Variants in POMT1 observed in about 807,000 individuals in gnomAD.
POMT1 encodes the protein protein O-mannosyltransferase 1.
Under a neutral mutation model 101.6 loss-of-function variants are expected in POMT1, and 85 were observed. That is an observed-to-expected ratio of 0.84 (90% CI 0.70 to 1.00). The LOEUF (loss-of-function observed/expected upper bound fraction) is 1.00. Ranked by LOEUF, POMT1 falls within the 50% of genes least tolerant of loss-of-function variation. POMT1 has a pLI of 0.00. For missense variants in POMT1, 857 were observed against 930.4 expected, an observed-to-expected ratio of 0.92 and a Z score of 1.03; for synonymous variants, 371 against 383.0, an observed-to-expected ratio of 0.97 and a Z score of 0.37.
chr9:131,516,114 G>C (rs1233018527), intron 13 of POMT1, among the ~76,000 whole-genome samples: 143 of 46,592 alleles, frequency 3.1e-3, no homozygotes, highest in Middle Eastern at 0.018. Context: ...CTTCCTCACA[G>C]GGAGCACTTC....
At chr9:131,514,916 AT>A (rs1285949983) in intron 12 of POMT1, among the ~76,000 whole-genome samples, 1 of 152,188 alleles carries the variant, frequency 6.6e-6, no homozygotes, top group Non-Finnish European at 1.5e-5. Context: ...AGATCGCGCC[AT>A]TTGCACTCCA....
chr9:131,522,862 C>T lies in POMT1; in HGVS notation c.2004-70C>T, dbSNP rs10122068. ...GGGGTGACCGTGTGGACAGCAGATG[C>T]CAAGAGGGTGCCGGGCAGGGAAGCC... On this transcript the variant is annotated intron_variant, in intron 19 of 19. Transcript: ENST00000402686. This position sits in a 1 kb window ranked among gnomAD's most constrained non-coding sequence, Gnocchi z 5.5. 1,163,411 of 1,471,028 alleles carry T rather than the reference C, an allele frequency of 0.79. 464,335 individuals carry two copies. The highest frequency in any genetic ancestry group is 0.92 in the East Asian group (37,309 of 40,754). 91.1% of individuals were successfully genotyped at this position (1,471,028 alleles called of 1,614,324 possible).
intron 17 of POMT1, 105 bp downstream of exon 17, chr9:131,520,298 C>T: frequency 9.5e-7 from 1 of 1,048,580 alleles, no homozygotes; most frequent in South Asian, 1.3e-5. Flanking sequence ...CTGGGTTTCT[C>T]CCAAGCTTTT....
At chr9:131,504,379 T>C (rs1945263121) in intron 2 of POMT1, 39 bp downstream of exon 2, 3 of 1,613,950 alleles carry the variant, frequency 1.9e-6, no homozygotes, top group Non-Finnish European at 2.5e-6. Flanking sequence ...GAATCTAGAA[T>C]TGTACTTTGT....
At chr9:131,518,391 C>T (rs1330107641) in intron 13 of POMT1, 54 bp from the exon 14 acceptor site, 2 of 1,458,570 alleles carry the variant, frequency 1.4e-6, no homozygotes, top group Admixed American at 1.7e-5. Flanking sequence ...TTTATTTTTA[C>T]ATTGAAGGAA....
Position 131,522,174 on chromosome 9 carries a change from AATCCT to A in POMT1, c.1954_1958del (p.Ile652SerfsTer55). ...ACTACCTGCCCGCACTCACCTTCCA[AATCCT>A]TCTGCTCCCTGTGGTCCTGCAGCAC... is the stretch of plus-strand genomic sequence containing the variant. On this transcript the variant is annotated frameshift_variant, in exon 19 of 20. Transcript: ENST00000402686. LOFTEE classifies it high-confidence loss of function. This position sits in a 1 kb window ranked among gnomAD's most constrained non-coding sequence, Gnocchi z 5.5. 6.2e-7 allele frequency: 1 copy of A among 1,614,082 alleles called. No homozygotes were observed.
intron 13 of POMT1, among the ~76,000 whole-genome samples, chr9:131,517,838 C>T (rs758178263): frequency 6.6e-5 from 10 of 152,222 alleles, no homozygotes; most frequent in African/African-American, 9.6e-5. Flanking sequence ...GCCCGGCCTG[C>T]GGCATGGACC....
chr9:131,522,016 G>T lies in POMT1; in HGVS notation c.1826-31G>T. 11 of 1,613,288 alleles carry T rather than the reference G, an allele frequency of 6.8e-6. No individual in the cohort carries two copies. The highest frequency in any genetic ancestry group is 9.3e-6 in the Non-Finnish European group (11 of 1,180,008). On this transcript the variant is annotated intron_variant, in intron 18 of 19. Coordinates refer to ENST00000402686, the MANE Select transcript of POMT1 (RefSeq NM_001077365.2). This position sits in a 1 kb window ranked among gnomAD's most constrained non-coding sequence, Gnocchi z 5.5. ...GAAGACCCGGCCTGTGGGAGCAGCA[G>T]AGTCGGTGTAGCTCGAGCCCTTTCC...
At chr9:131,520,680 G>T (rs2131890813) in intron 17 of POMT1, among the ~76,000 whole-genome samples, 1 of 152,316 alleles carries the variant, frequency 6.6e-6, no homozygotes, top group Non-Finnish European at 1.5e-5. Flanking sequence ...CATGTGCACT[G>T]AAGGCAGAGG....
chr9:131,507,706 C>T (rs1946163048), intron 5 of POMT1, among the ~76,000 whole-genome samples, 192 bp downstream of exon 5: 1 of 152,212 alleles, frequency 6.6e-6, no homozygotes, highest in Non-Finnish European at 1.5e-5. Context: ...TGGGATCAGA[C>T]TCTTATCAGC....
chr9:131,509,662 C>T (rs1946657013), intron 6 of POMT1, 81 bp from the exon 7 acceptor site: 2 of 1,612,836 alleles, frequency 1.2e-6, no homozygotes, highest in South Asian at 2.2e-5. Context: ...AAAGATTTCT[C>T]TGAAGAATGT....
At chr9:131,506,481 A>G (rs1448746975) in intron 4 of POMT1, 28 bp downstream of exon 4, 2 of 1,586,674 alleles carry the variant, frequency 1.3e-6, no homozygotes, top group African/African-American at 1.3e-5. Flanking sequence ...TTTCCCTTTT[A>G]ATGTGCGCAG....
intron 18 of POMT1, 87 bp downstream of exon 18, chr9:131,521,559 G>A: frequency 6.8e-7 from 1 of 1,477,196 alleles, no homozygotes; most frequent in Non-Finnish European, 9.4e-7. Context: ...TGAACTCCTG[G>A]GCTTAAGCGA....
In POMT1 at chr9:131,519,929, T is replaced by G; in HGVS notation, c.1585-151T>G. 3 of 700,678 alleles carry G rather than the reference T, an allele frequency of 4.3e-6. No individual in the cohort carries two copies. The highest frequency in any genetic ancestry group is 2.6e-6 in the Non-Finnish European group (1 of 391,760). 43.4% of individuals were successfully genotyped at this position (700,678 alleles called of 1,614,324 possible). ...CCACATTCAGGGCTGGAATCCAGGT[T>G]CTCATCATGCTGCCTCCGATGCATG... is the stretch of plus-strand genomic sequence containing the variant. On this transcript the variant is annotated intron_variant, in intron 16 of 19. Transcript: ENST00000402686. This position sits in a 1 kb window ranked among gnomAD's most constrained non-coding sequence, Gnocchi z 4.3.
Position 131,522,912 on chromosome 9 carries a change from C to A in POMT1, c.2004-20C>A. 6.4e-7 allele frequency: 1 copy of A among 1,570,174 alleles called. No individual in the cohort carries two copies. The highest frequency in any genetic ancestry group is 8.6e-7 in the Non-Finnish European group (1 of 1,161,810). On this transcript the variant is annotated intron_variant, in intron 19 of 19. Transcript: ENST00000402686. This position sits in a 1 kb window ranked among gnomAD's most constrained non-coding sequence, Gnocchi z 5.5. ...CGCAGTGGTCAGCCACCCTCCCCCACGCTGCTCTGACCTCTGCAGGTCCCA... is the reference window on the plus strand; with the variant it reads ...CGCAGTGGTCAGCCACCCTCCCCCAAGCTGCTCTGACCTCTGCAGGTCCCA...
intron 14 of POMT1, 142 bp downstream of exon 14, chr9:131,518,679 G>A (rs992925331): frequency 6.3e-6 from 9 of 1,423,556 alleles, no homozygotes; most frequent in African/African-American, 1.4e-5. Flanking sequence ...GAGGGAGGGC[G>A]GCTTTTGTAA....
At chr9:131,509,342 G>A (rs1466874344) in intron 6 of POMT1, among the ~76,000 whole-genome samples, 1 of 152,092 alleles carries the variant, frequency 6.6e-6, no homozygotes, top group African/African-American at 2.4e-5. Context: ...GTGGAGACGG[G>A]GTTTCACCAT....
Position 131,510,284 on chromosome 9 carries a change from G to A in POMT1, c.724G>A (p.Ala242Thr), listed in dbSNP as rs779771679. The A allele has an allele frequency of 3.0e-5, 49 of 1,614,050 alleles. 1 individual carries two copies. The highest frequency in any genetic ancestry group is 2.5e-4 in the South Asian group (23 of 91,090). Residue 242 changes from alanine (A) to threonine (T), a missense_variant, in exon 9 of 20, where the codon GCC becomes ACC. Coordinates refer to ENST00000402686, the MANE Select transcript of POMT1 (RefSeq NM_001077365.2). ...GGTCTGTGTGTTCTGTCACTTGCTC[G>A]CCCGAGCAGTGGCTTTGCTGGTCAT... Reference protein sequence around the residue: ...SNVCVFCHLLARAVALLVIPV... With the variant: ...SNVCVFCHLLTRAVALLVIPV...
chr9:131,518,614 C>CGA, intron 14 of POMT1, 77 bp downstream of exon 14: 2 of 1,453,406 alleles, frequency 1.4e-6, no homozygotes, highest in East Asian at 4.5e-5. Context: ...CAGGCTTCAC[C>CGA]GCCTCTCTGC....
Sources: allele counts gnomAD v4.1 joint callset (sites outside exome capture counted in the v4.1 genomes callset), GRCh38; gene constraint gnomAD v4.1.1; non-coding constraint Gnocchi (gnomAD v3.1); transcripts MANE v1.5; gene names NCBI Gene and HGNC (gene_info 2026-07-23, HGNC 2026-07-21).